NRG3: variants seen among roughly 807,000 people sequenced by gnomAD.
NRG3 encodes pro-neuregulin-3, membrane-bound isoform.
Under a neutral mutation model 66.9 loss-of-function variants are expected in NRG3, and 31 were observed. The observed-to-expected ratio is 0.46, with a 90% CI of 0.35 to 0.63. NRG3 has a LOEUF of 0.63. Among genes scored for constraint, NRG3 ranks in the 20% least tolerant of loss-of-function variants. The probability of loss-of-function intolerance (pLI) is 0.00; values close to 1 mark genes in which losing one functional copy is unlikely to be tolerated. For missense variants in NRG3, 910 were observed against 878.9 expected (o/e 1.04, Z -0.45); for synonymous variants, 393 against 359.4 (o/e 1.09, Z -1.06).
chr10:82,756,892 A>G (rs905122502), intron 3 of NRG3, among the ~76,000 whole-genome samples: 1 of 151,984 alleles, frequency 6.6e-6, no homozygotes, highest in South Asian at 2.1e-4. Context: ...TCATTAATAC[A>G]AAAGCACTTG....
chr10:81,928,257 T>C (rs1211462824), intron 1 of NRG3, among the ~76,000 whole-genome samples: 1 of 152,140 alleles, frequency 6.6e-6, no homozygotes, highest in Non-Finnish European at 1.5e-5. Flanking sequence ...CAGCAGCAGG[T>C]TACCACCACT....
intron 2 of NRG3, among the ~76,000 whole-genome samples, chr10:82,717,817 A>G (rs1240416185): frequency 6.6e-6 from 1 of 151,702 alleles, no homozygotes; most frequent in East Asian, 1.9e-4. Context: ...AGTGGCAGAG[A>G]CCATTGTGTT....
chr10:82,247,178 A>C, intron 1 of NRG3, among the ~76,000 whole-genome samples: 1 of 152,156 alleles, frequency 6.6e-6, no homozygotes, highest in Middle Eastern at 3.2e-3. Context: ...TGTGGGATGC[A>C]CCTTATGAAG....
intron 4 of NRG3, among the ~76,000 whole-genome samples, chr10:82,882,454 C>T (rs530531551): frequency 6.6e-6 from 1 of 152,298 alleles, no homozygotes; most frequent in South Asian, 2.1e-4. Flanking sequence ...GTCCCACATA[C>T]ACCTAACATG....
intron 2 of NRG3, among the ~76,000 whole-genome samples, chr10:82,456,305 A>G (rs537929851): frequency 2.6e-4 from 39 of 151,866 alleles, no homozygotes; most frequent in African/African-American, 9.2e-4. Context: ...ACAACTGGCT[A>G]ATTTTTTTTT....
intron 2 of NRG3, among the ~76,000 whole-genome samples, chr10:82,454,063 A>G (rs988034543): frequency 2.6e-5 from 4 of 152,200 alleles, no homozygotes; most frequent in East Asian, 1.9e-4. Flanking sequence ...GCCTATGGCA[A>G]TTGCTCAGTA....
intron 2 of NRG3, among the ~76,000 whole-genome samples, chr10:82,571,154 C>G (rs902792032): frequency 3.3e-5 from 5 of 151,484 alleles, no homozygotes; most frequent in Non-Finnish European, 7.4e-5. Context: ...TGAAAGCCTG[C>G]TCTAAACTCC....
At chr10:82,160,514 T>G (rs919720921) in intron 1 of NRG3, among the ~76,000 whole-genome samples, 33 of 151,866 alleles carry the variant, frequency 2.2e-4, no homozygotes, top group Non-Finnish European at 1.5e-5. Context: ...TTTTGTTTTG[T>G]TTTGTTTTTG....
At chr10:82,099,009 C>T (rs1274347703) in intron 1 of NRG3, among the ~76,000 whole-genome samples, 2 of 152,198 alleles carry the variant, frequency 1.3e-5, no homozygotes, top group Non-Finnish European at 2.9e-5. Context: ...TCGTGATCTG[C>T]CCGCATTGAC....
At chr10:82,591,618 G>A (rs1017814693) in intron 2 of NRG3, among the ~76,000 whole-genome samples, 6 of 152,052 alleles carry the variant, frequency 3.9e-5, no homozygotes, top group South Asian at 2.1e-4. Flanking sequence ...GAACCCTTGC[G>A]TCAACACTGT....
intron 1 of NRG3, among the ~76,000 whole-genome samples, chr10:81,884,378 T>C (rs1326949419): frequency 6.6e-6 from 1 of 152,178 alleles, no homozygotes; most frequent in East Asian, 1.9e-4. Context: ...TTCAGATGTT[T>C]CGGTAAAAGA....
chr10:82,746,808 G>T (rs1233722998), intron 3 of NRG3, among the ~76,000 whole-genome samples: 4 of 152,072 alleles, frequency 2.6e-5, no homozygotes. Flanking sequence ...GGATTGGCTG[G>T]ATGCTCACGC....
chr10:82,171,894 C>G (rs1261845465), intron 1 of NRG3, among the ~76,000 whole-genome samples: 1 of 152,028 alleles, frequency 6.6e-6, no homozygotes, highest in Non-Finnish European at 1.5e-5. Flanking sequence ...TCTTAGTAGC[C>G]ACACCTGGTT....
At chr10:82,310,173 G>A (rs12572841) in intron 1 of NRG3, among the ~76,000 whole-genome samples, 3,560 of 152,194 alleles carry the variant, frequency 0.023, 48 homozygotes, top group African/African-American at 0.041. Context: ...AATTGTAAGC[G>A]CGACATTGCT....
Position 82,985,098 on chromosome 10 carries a change from G to T in NRG3, c.1584G>T (p.Gly528=). ...GAGTAACACTGTGTTTCTTTTTCAG[G>T]TATTCATCCAGTGGTTTAAAAACCC... ...IPDQDTIPCQ[G]YSSSGLKTQR... Residue 528 remains glycine (G), a splice_region_variant and synonymous_variant, in exon 9 of 9, where the codon GGG becomes GGT. Transcript: ENST00000372141. 6.2e-7 allele frequency: 1 copy of T among 1,612,154 alleles called. No homozygotes were observed. Among genetic ancestry groups the T allele is most frequent in the Non-Finnish European group, 8.5e-7 (1 of 1,179,170 alleles).
In NRG3 at chr10:82,836,557, C is replaced by T. The variant is rs111405098; in HGVS notation, c.1028-28854C>T. ...CAATAACTGAACACAATACCTTTAG[C>T]GTTGACCATTGTTATTTTCTTTTTT... On this transcript the variant is annotated intron_variant, in intron 3 of 8. Transcript: ENST00000372141. 5.3e-5 allele frequency among the ~76,000 whole-genome samples: 8 copies of T among 152,166 alleles called. 1 individual carries two copies. Among genetic ancestry groups the T allele is most frequent in the East Asian group, 1.9e-4 (1 of 5,176 alleles).
intron 2 of NRG3, among the ~76,000 whole-genome samples, chr10:82,483,661 T>A (rs1280978916): frequency 6.6e-6 from 1 of 152,182 alleles, no homozygotes; most frequent in African/African-American, 2.4e-5. Flanking sequence ...AAAAAGGTTT[T>A]CCTCTCTGTC....
At chr10:82,019,666 G>T (rs1374401549) in intron 1 of NRG3, among the ~76,000 whole-genome samples, 1 of 152,134 alleles carries the variant, frequency 6.6e-6, no homozygotes, top group African/African-American at 2.4e-5. Context: ...TTAGTCTTGG[G>T]AGGGTGTATG....
At chr10:82,407,566 A>G (rs1013144138) in intron 2 of NRG3, among the ~76,000 whole-genome samples, 1 of 152,216 alleles carries the variant, frequency 6.6e-6, no homozygotes, top group Non-Finnish European at 1.5e-5. Context: ...AAAGACACAC[A>G]AAATAATGCC....
Sources: gnomAD v4.1 joint callset for allele counts (sites outside exome capture counted in the v4.1 genomes callset) on GRCh38, gnomAD v4.1.1 for gene constraint, MANE v1.5 for transcripts, NCBI Gene and HGNC (gene_info 2026-07-23, HGNC 2026-07-21) for gene names.